Variants in DLGAP4 observed in about 807,000 individuals in gnomAD.
DLGAP4 encodes the protein disks large-associated protein 4.
A neutral mutation model predicts 86.9 loss-of-function variants in DLGAP4; 18 were observed. The ratio of observed to expected loss-of-function variants is 0.21; its 90% CI spans 0.14 to 0.31. The LOEUF is 0.31. Among genes scored for constraint, DLGAP4 ranks in the 10% least tolerant of loss-of-function variants. The pLI is 1.00. For synonymous variants in DLGAP4, 548 were observed against 574.3 expected, an observed-to-expected ratio of 0.95 and a Z score of 0.65; for missense variants, 1,085 against 1,362.6, an observed-to-expected ratio of 0.80 and a Z score of 3.21.
intron 10 of DLGAP4, among the ~76,000 whole-genome samples, chr20:36,511,969 A>C (rs73618590): frequency 0.018 from 2,713 of 151,864 alleles, 44 homozygotes; most frequent in East Asian, 0.064. Flanking sequence ...GGCAACCAAG[A>C]GAATCCAACA....
At chr20:36,488,156 C>G (rs1241798477) in intron 7 of DLGAP4, among the ~76,000 whole-genome samples, 1 of 150,590 alleles carries the variant, frequency 6.6e-6, no homozygotes, top group Non-Finnish European at 1.5e-5. Context: ...GCCAAGATTG[C>G]TCCACTGCAC....
chr20:36,379,265 C>T (rs929035619), intron 2 of DLGAP4, among the ~76,000 whole-genome samples: 2 of 152,140 alleles, frequency 1.3e-5, no homozygotes, highest in Non-Finnish European at 2.9e-5. Context: ...CTGGAGGCCT[C>T]GAGGGCCAGG....
At chr20:36,483,139 G>T (rs140291251) in intron 7 of DLGAP4, among the ~76,000 whole-genome samples, 50 of 152,360 alleles carry the variant, frequency 3.3e-4, no homozygotes, top group African/African-American at 1.1e-3. Context: ...GACTCTGCAG[G>T]TGGGTCTCTG....
intron 7 of DLGAP4, among the ~76,000 whole-genome samples, chr20:36,450,784 G>A (rs117915230): frequency 1.4e-4 from 22 of 152,334 alleles, no homozygotes; most frequent in Non-Finnish European, 2.6e-4. Flanking sequence ...GAGAACTGCA[G>A]TTAATACTCC....
intron 2 of DLGAP4, among the ~76,000 whole-genome samples, chr20:36,407,254 C>A (rs1347997496): frequency 7.9e-5 from 12 of 152,068 alleles, no homozygotes; most frequent in Non-Finnish European, 1.8e-4. Flanking sequence ...GATGGGGGAA[C>A]CGCTTGAGGC....
intron 7 of DLGAP4, among the ~76,000 whole-genome samples, chr20:36,451,598 G>T (rs139314776): frequency 6.6e-6 from 1 of 151,948 alleles, no homozygotes; most frequent in Admixed American, 6.6e-5. Context: ...TGATCCACCC[G>T]CCTCGGCCTC....
chr20:36,364,497 A>G (rs1158507988), intron 1 of DLGAP4, among the ~76,000 whole-genome samples: 1 of 152,208 alleles, frequency 6.6e-6, no homozygotes, highest in Non-Finnish European at 1.5e-5. Context: ...ACCACAATCC[A>G]TTTTTGAGCA....
At chr20:36,513,461 T>C (rs2036843970) in intron 10 of DLGAP4, among the ~76,000 whole-genome samples, 1 of 140,462 alleles carries the variant, frequency 7.1e-6, no homozygotes, top group Non-Finnish European at 1.5e-5. Flanking sequence ...GGCAGGAGAA[T>C]GGCGTGAACC....
intron 1 of DLGAP4, among the ~76,000 whole-genome samples, chr20:36,329,397 G>A (rs1221522847): frequency 1.3e-5 from 2 of 152,142 alleles, no homozygotes; most frequent in Non-Finnish European, 2.9e-5. Context: ...TGTAAAATTG[G>A]GATTTTAATA....
chr20:36,389,133 AT>A (rs766331696), intron 2 of DLGAP4, among the ~76,000 whole-genome samples: 1 of 152,208 alleles, frequency 6.6e-6, no homozygotes, highest in Non-Finnish European at 1.5e-5. Flanking sequence ...CCTGTTAGAC[AT>A]CCAAGTGGAG....
intron 1 of DLGAP4, among the ~76,000 whole-genome samples, chr20:36,363,845 A>G (rs988210415): frequency 1.3e-5 from 2 of 152,194 alleles, no homozygotes; most frequent in African/African-American, 2.4e-5. Flanking sequence ...CCTGTGTGCC[A>G]GGCTGATGGA....
intron 7 of DLGAP4, chr20:36,461,942 G>T: frequency 1.0e-6 from 1 of 984,594 alleles, no homozygotes; most frequent in Non-Finnish European, 1.2e-6. Context: ...CCTCAGAGCC[G>T]CCCTTTCTGG....
At chr20:36,524,673 C>T (rs1569527036) in intron 11 of DLGAP4, among the ~76,000 whole-genome samples, 1 of 152,200 alleles carries the variant, frequency 6.6e-6, no homozygotes, top group African/African-American at 2.4e-5. Flanking sequence ...GAGGCTGAGG[C>T]GGGTGGATCA....
intron 1 of DLGAP4, among the ~76,000 whole-genome samples, chr20:36,327,456 C>T (rs895383970): frequency 1.6e-4 from 25 of 152,166 alleles, no homozygotes; most frequent in Middle Eastern, 3.4e-3. Context: ...GCACAGGAAA[C>T]GAGAGGAAGT....
chr20:36,452,508 CTTGTAAATCTT>C (rs2033762494), intron 7 of DLGAP4, among the ~76,000 whole-genome samples: 1 of 149,332 alleles, frequency 6.7e-6, no homozygotes, highest in Non-Finnish European at 1.5e-5. Flanking sequence ...TCCTCCTTTT[CTTGTAAATCTT>C]TTTTTTTTTT....
Position 36,500,429 on chromosome 20 carries a change from T to TGCCC in DLGAP4, c.2331_2334dup (p.Pro779AlafsTer59). 6.3e-7 allele frequency: 1 copy of TGCCC among 1,576,274 alleles called. No homozygotes were observed. The highest frequency in any genetic ancestry group is 8.6e-7 in the Non-Finnish European group (1 of 1,158,152). Reference sequence around the variant, plus strand: ...GACCCTGCCCTAGAGGCGTCCTCGCTGCCCCCACCCGACCCCTGGCTCGAG... The same window carrying TGCCC: ...GACCCTGCCCTAGAGGCGTCCTCGCTGCCCGCCCCCACCCGACCCCTGGCTCGAG... On this transcript the variant is annotated frameshift_variant, in exon 10 of 13. Transcript: ENST00000339266. LOFTEE classifies it high-confidence loss of function. This position sits in a 1 kb window ranked among gnomAD's most constrained non-coding sequence, Gnocchi z 4.6.
intron 1 of DLGAP4, among the ~76,000 whole-genome samples, chr20:36,327,113 C>CCTCA (rs1400081534): frequency 6.6e-6 from 1 of 150,636 alleles, no homozygotes. Context: ...GATTCTCCTA[C>CCTCA]CTCAGCCTCC....
chr20:36,522,012 G>GA (rs11483309), intron 10 of DLGAP4, among the ~76,000 whole-genome samples: 83 of 152,166 alleles, frequency 5.5e-4, no homozygotes, highest in African/African-American at 2.0e-3. Context: ...CTGTACGTGG[G>GA]ATGGGTGCCT....
intron 1 of DLGAP4, among the ~76,000 whole-genome samples, chr20:36,320,687 G>C (rs560264857): frequency 8.9e-4 from 136 of 152,226 alleles, no homozygotes; most frequent in Non-Finnish European, 8.7e-4. Flanking sequence ...TGGAGTCTGG[G>C]CCCCCCTGAG....
Sources: gnomAD v4.1 joint callset for allele counts (sites outside exome capture counted in the v4.1 genomes callset) on GRCh38, gnomAD v4.1.1 for gene constraint, Gnocchi (gnomAD v3.1) non-coding constraint, MANE v1.5 for transcripts, NCBI Gene and HGNC (gene_info 2026-07-23, HGNC 2026-07-21) for gene names.